DDX10: variants seen among roughly 807,000 people sequenced by gnomAD.
The protein encoded by DDX10 is DEAD-box helicase 10.
In DDX10, 74 loss-of-function variants were observed where a neutral mutation model predicts 104.3. That is an observed-to-expected ratio of 0.71 (90% CI 0.59 to 0.86). The LOEUF is 0.86. DDX10 is among the 40% of genes least tolerant of loss of function. The pLI is 0.00. For synonymous variants in DDX10, 351 were observed against 353.4 expected (o/e 0.99, Z 0.08); for missense variants, 952 against 1,040.0 (o/e 0.92, Z 1.16).
intron 13 of DDX10, among the ~76,000 whole-genome samples, chr11:108,741,604 G>A (rs1051318627): frequency 1.3e-5 from 2 of 152,052 alleles, no homozygotes; most frequent in African/African-American, 4.8e-5. Context: ...CCTCAGCTTG[G>A]ATATTGCTGG....
chr11:108,772,841 G>T (rs1032624395), intron 13 of DDX10, among the ~76,000 whole-genome samples: 1 of 152,184 alleles, frequency 6.6e-6, no homozygotes, highest in Non-Finnish European at 1.5e-5. Flanking sequence ...ACCATCCCCT[G>T]TCAGTGGAAA....
chr11:108,835,865 C>A (rs1179504466), intron 13 of DDX10, among the ~76,000 whole-genome samples: 1 of 151,982 alleles, frequency 6.6e-6, no homozygotes, highest in Non-Finnish European at 1.5e-5. Context: ...GGGAGAGTAG[C>A]CTTTGATCGT....
intron 13 of DDX10, among the ~76,000 whole-genome samples, chr11:108,735,135 A>G (rs1369046444): frequency 1.3e-5 from 2 of 152,216 alleles, no homozygotes; most frequent in African/African-American, 4.8e-5. Context: ...GTCCAAGGCA[A>G]CATCTGAGGC....
At chr11:108,871,935 A>AC (rs1298837713) in intron 16 of DDX10, among the ~76,000 whole-genome samples, 1 of 151,870 alleles carries the variant, frequency 6.6e-6, no homozygotes, top group Non-Finnish European at 1.5e-5. Flanking sequence ...CCTCAAAAAA[A>AC]AAAAATTAAG....
chr11:108,740,355 T>C (rs2094323703), intron 13 of DDX10, among the ~76,000 whole-genome samples: 1 of 152,208 alleles, frequency 6.6e-6, no homozygotes, highest in Non-Finnish European at 1.5e-5. Context: ...CCGATGTGTG[T>C]ACATACCACA....
At chr11:108,872,827 C>G (rs1019940549) in intron 16 of DDX10, among the ~76,000 whole-genome samples, 5 of 150,394 alleles carry the variant, frequency 3.3e-5, no homozygotes, top group African/African-American at 1.2e-4. Flanking sequence ...CGTTCCCCCC[C>G]CCTCCCATTT....
chr11:108,819,755 C>G (rs901230528), intron 13 of DDX10, among the ~76,000 whole-genome samples: 1 of 152,066 alleles, frequency 6.6e-6, no homozygotes, highest in East Asian at 1.9e-4. Context: ...CCTGCCACCA[C>G]GCCCAGCTGA....
intron 16 of DDX10, among the ~76,000 whole-genome samples, chr11:108,889,322 C>T (rs1210880092): frequency 3.3e-5 from 5 of 152,006 alleles, no homozygotes; most frequent in African/African-American, 9.7e-5. Context: ...TATTTATGAC[C>T]TAGAAGTACT....
chr11:108,881,241 T>C (rs999737909), intron 16 of DDX10, among the ~76,000 whole-genome samples: 5 of 152,194 alleles, frequency 3.3e-5, no homozygotes, highest in African/African-American at 1.2e-4. Context: ...CTGTTAAGTT[T>C]TATGACTGCC....
intron 13 of DDX10, among the ~76,000 whole-genome samples, chr11:108,758,748 C>CT (rs1220142440): frequency 6.6e-6 from 1 of 152,032 alleles, no homozygotes; most frequent in South Asian, 2.1e-4. Context: ...TTTAAGGATC[C>CT]TTTTGACTTT....
chr11:108,717,665 A>T (rs1056767681), intron 11 of DDX10, among the ~76,000 whole-genome samples: 2 of 152,206 alleles, frequency 1.3e-5, no homozygotes, highest in African/African-American at 4.8e-5. Context: ...AACTTATTTT[A>T]TATTTTAGCA....
At chr11:108,864,361 T>C (rs1178023835) in intron 16 of DDX10, among the ~76,000 whole-genome samples, 1 of 152,038 alleles carries the variant, frequency 6.6e-6, no homozygotes, top group Non-Finnish European at 1.5e-5. Flanking sequence ...TGTATAATTA[T>C]GATACTACTA....
chr11:108,743,968 A>G (rs1025503455), intron 13 of DDX10, among the ~76,000 whole-genome samples: 4 of 152,204 alleles, frequency 2.6e-5, no homozygotes, highest in Non-Finnish European at 4.4e-5. Context: ...TCAAAATTAT[A>G]TAGTTATTTT....
chr11:108,699,345 A>G (rs2094264262), intron 9 of DDX10, among the ~76,000 whole-genome samples: 1 of 152,198 alleles, frequency 6.6e-6, no homozygotes, highest in African/African-American at 2.4e-5. Flanking sequence ...AGTGTGGTTC[A>G]TCTGGGTCCT....
chr11:108,839,962 A>T (rs11212794), intron 14 of DDX10, among the ~76,000 whole-genome samples: 8 of 152,296 alleles, frequency 5.3e-5, no homozygotes, highest in South Asian at 4.1e-4. Flanking sequence ...TCAACTATAA[A>T]ATGTTTCAAT....
intron 16 of DDX10, among the ~76,000 whole-genome samples, chr11:108,857,995 A>G (rs1290805070): frequency 6.6e-6 from 1 of 152,178 alleles, no homozygotes; most frequent in Non-Finnish European, 1.5e-5. Context: ...TGCATCTCCT[A>G]TTAGTTACTA....
At chr11:108,808,735 GCAGCAAAGGATTTGAGGTGGCCCA>G (rs1232028409) in intron 13 of DDX10, among the ~76,000 whole-genome samples, 15 of 151,998 alleles carry the variant, frequency 9.9e-5, no homozygotes. Flanking sequence ...ATGTCTCTCA[GCAGCAAAGGATTTGAGGTGGCCCA>G]CCTTTAAAAA....
intron 17 of DDX10, among the ~76,000 whole-genome samples, chr11:108,924,295 A>T (rs1565320737): frequency 6.6e-6 from 1 of 152,170 alleles, no homozygotes; most frequent in Non-Finnish European, 1.5e-5. Context: ...GTAGCTTCCT[A>T]AAGAATTCTT....
chr11:108,787,913 A>G (rs1467848810), intron 13 of DDX10, among the ~76,000 whole-genome samples: 1 of 152,174 alleles, frequency 6.6e-6, no homozygotes, highest in African/African-American at 2.4e-5. Context: ...CTGGGCAACA[A>G]GAGCAAAACT....
Sources: gnomAD v4.1 joint callset for allele counts (sites outside exome capture counted in the v4.1 genomes callset) on GRCh38, gnomAD v4.1.1 for gene constraint, MANE v1.5 for transcripts, NCBI Gene and HGNC (gene_info 2026-07-23, HGNC 2026-07-21) for gene names.